Variants in MAPK4 observed in about 807,000 individuals in gnomAD.
The protein encoded by MAPK4 is mitogen-activated protein kinase 4.
Under a neutral mutation model 47.7 loss-of-function variants are expected in MAPK4, and 22 were observed. That is an observed-to-expected ratio of 0.46 (90% CI 0.33 to 0.66). MAPK4 has a LOEUF of 0.66. MAPK4 is among the 30% of genes least tolerant of loss of function. The probability of loss-of-function intolerance (pLI) is 0.02; values close to 1 mark genes in which losing one functional copy is unlikely to be tolerated. For missense variants in MAPK4, 736 were observed against 831.7 expected, an observed-to-expected ratio of 0.88 and a Z score of 1.42; for synonymous variants, 390 against 365.7, an observed-to-expected ratio of 1.07 and a Z score of -0.76.
At chr18:50,694,463 T>C (rs929125915) in intron 2 of MAPK4, among the ~76,000 whole-genome samples, 1 of 152,234 alleles carries the variant, frequency 6.6e-6, no homozygotes, top group African/African-American at 2.4e-5. Flanking sequence ...AAAGCATGTT[T>C]ATTTTCTCTT....
intron 1 of MAPK4, among the ~76,000 whole-genome samples, chr18:50,571,774 T>C (rs979093391): frequency 6.6e-6 from 1 of 152,226 alleles, no homozygotes; most frequent in Non-Finnish European, 1.5e-5. Flanking sequence ...CAATAACATA[T>C]GTGAAAGCCA....
At chr18:50,677,477 G>A (rs573042491) in intron 2 of MAPK4, among the ~76,000 whole-genome samples, 8 of 152,244 alleles carry the variant, frequency 5.3e-5, no homozygotes, top group East Asian at 1.9e-4. Context: ...GCACCCCAGC[G>A]TGTGGCCCAG....
intron 1 of MAPK4, among the ~76,000 whole-genome samples, chr18:50,633,307 C>A (rs1233849501): frequency 1.3e-5 from 2 of 152,204 alleles, no homozygotes; most frequent in African/African-American, 2.4e-5. Context: ...GGAATGGTTG[C>A]CTGGAAACAA....
At chr18:50,595,967 G>A (rs1255091355) in intron 1 of MAPK4, among the ~76,000 whole-genome samples, 1 of 152,134 alleles carries the variant, frequency 6.6e-6, no homozygotes, top group Non-Finnish European at 1.5e-5. Flanking sequence ...GTTTGTCTCA[G>A]TGGGTGTCTA....
intron 1 of MAPK4, chr18:50,629,492 CAG>C (rs1256717058): frequency 6.6e-6 from 1 of 152,242 alleles, no homozygotes; most frequent in Non-Finnish European, 1.5e-5. Flanking sequence ...GAGAGGAAGT[CAG>C]AGAGTTGGAG....
rs1261055141 is a variant in MAPK4 at position 50,729,657 on chromosome 18, C to T, written c.1567C>T (p.Pro523Ser). ...CGAGCGCCGCTTGTCTGCCTCGCCC[C>T]CCGGCCGCCCGGCCCCGGTGGACGG... The part of the protein sequence containing the change: ...DPERRLSASP[P>S]GRPAPVDGGA... The change falls in exon 6 of 6, where the codon CCC (proline) becomes TCC (serine). Residue 523 changes from proline to serine, a missense_variant. By Grantham distance (74) the Pro-to-Ser change is moderately conservative (BLOSUM62 -1). Transcript: ENST00000400384. The T allele has an allele frequency of 6.6e-6, 10 of 1,522,230 alleles. No individual in the cohort carries two copies. The Middle Eastern group carries it at 6.8e-4, about 104-fold the overall frequency. The allele number at this position is 1,522,230 out of a possible 1,614,324, so 94.3% of individuals were successfully genotyped here.
At position 50,730,418 on chromosome 18, in the gene MAPK4, TGTCC is replaced by T. The variant is rs1911499316; in HGVS notation, c.*565_*568del. On this transcript the variant is annotated 3_prime_UTR_variant, in exon 6 of 6. Coordinates refer to ENST00000400384, the MANE Select transcript of MAPK4 (RefSeq NM_002747.4). ...AACTTGGTCTGAGATGTTTCTTCCCTGTCCATTACCATTCGATGTTCTTTTATTC... is the reference window on the plus strand; with the variant it reads ...AACTTGGTCTGAGATGTTTCTTCCCTATTACCATTCGATGTTCTTTTATTC... The T allele has an allele frequency of 6.5e-6, 1 of 152,758 alleles. No individual in the cohort carries two copies. Among genetic ancestry groups the T allele is most frequent in the Admixed American group, 6.5e-5 (1 of 15,284 alleles). The allele number at this position is 152,758 out of a possible 1,614,324, so 9.5% of individuals were successfully genotyped here.
chr18:50,698,003 A>G (rs562508778), intron 2 of MAPK4, among the ~76,000 whole-genome samples: 20 of 152,348 alleles, frequency 1.3e-4, no homozygotes, highest in Non-Finnish European at 2.4e-4. Context: ...TTAGGCAACA[A>G]TGATACTCTT....
At chr18:50,564,823 C>G (rs899571293) in intron 1 of MAPK4, among the ~76,000 whole-genome samples, 6 of 152,296 alleles carry the variant, frequency 3.9e-5, no homozygotes, top group Middle Eastern at 3.4e-3. Context: ...TGGGCAGTGC[C>G]TGGTAACCAC....
chr18:50,642,490 T>A (rs1442511892), intron 1 of MAPK4, among the ~76,000 whole-genome samples: 1 of 152,196 alleles, frequency 6.6e-6, no homozygotes, highest in Non-Finnish European at 1.5e-5. Flanking sequence ...CCCAATATAG[T>A]TAGTGAAGAA....
chr18:50,722,565 G>A (rs1910990630), intron 4 of MAPK4, among the ~76,000 whole-genome samples: 1 of 152,038 alleles, frequency 6.6e-6, no homozygotes, highest in Non-Finnish European at 1.5e-5. Context: ...GCAGGCCTGG[G>A]AAGAGGCCAA....
At chr18:50,701,144 T>C (rs1909764599) in intron 2 of MAPK4, among the ~76,000 whole-genome samples, 1 of 152,062 alleles carries the variant, frequency 6.6e-6, no homozygotes, top group Admixed American at 6.6e-5. Flanking sequence ...GTTTCTGCTT[T>C]CCAAGCTTAA....
chr18:50,664,081 G>T lies in MAPK4; in HGVS notation c.123G>T (p.Arg41=), dbSNP rs769489864. The change falls in exon 2 of 6, where the codon CGG becomes CGT. Residue 41 remains arginine (R), a synonymous_variant. Transcript: ENST00000400384. The surrounding 1 kb of genome is among the most constrained non-coding windows in gnomAD (Gnocchi z 6.0). ...NGLVLSAVDS[R]ACRKVAVKKI... Reference sequence around the variant, plus strand: ...TGGTGCTGTCGGCCGTGGACAGCCGGGCCTGCCGGAAGGTCGCTGTGAAGA... The same window carrying T: ...TGGTGCTGTCGGCCGTGGACAGCCGTGCCTGCCGGAAGGTCGCTGTGAAGA... 7.4e-6 allele frequency: 12 copies of T among 1,613,806 alleles called. No individual in the cohort carries two copies. The highest frequency in any genetic ancestry group is 1.0e-5 in the Non-Finnish European group (12 of 1,180,042).
intron 1 of MAPK4, among the ~76,000 whole-genome samples, chr18:50,570,446 T>G (rs762631246): frequency 3.9e-5 from 6 of 152,322 alleles, no homozygotes; most frequent in African/African-American, 1.4e-4. Flanking sequence ...AAGGGAAGTG[T>G]TGAGGCAGGA....
chr18:50,577,605 C>T (rs1281084546), intron 1 of MAPK4, among the ~76,000 whole-genome samples: 2 of 152,130 alleles, frequency 1.3e-5, no homozygotes, highest in African/African-American at 4.8e-5. Flanking sequence ...TTACCTTGTG[C>T]ACCAGGGTTA....
chr18:50,625,247 A>T (rs2042766793), intron 1 of MAPK4, among the ~76,000 whole-genome samples: 1 of 152,202 alleles, frequency 6.6e-6, no homozygotes, highest in Non-Finnish European at 1.5e-5. Flanking sequence ...CAGGGTCTGC[A>T]TCAGGGATGG....
In MAPK4 at chr18:50,664,183, C is replaced by G; in HGVS notation, c.225C>G (p.Asp75Glu). ...AGATCATTCGGCGCCTGGACCACGA[C>G]AACATCGTCAAAGTGTACGAGGTGC... ...EIKIIRRLDH[D>E]NIVKVYEVLG... Residue 75 changes from aspartate to glutamate, a missense_variant, in exon 2 of 6, where the codon GAC becomes GAG. Asp to Glu is a conservative substitution (Grantham distance 45). Around this residue, in one of 3 missense-constraint regions of MAPK4, gnomAD observed 327 missense variants for 395.4 expected, o/e 0.83. Coordinates refer to ENST00000400384, the MANE Select transcript of MAPK4 (RefSeq NM_002747.4). The surrounding 1 kb of genome is among the most constrained non-coding windows in gnomAD (Gnocchi z 6.0). The G allele has an allele frequency of 6.2e-7, 1 of 1,614,156 alleles. No homozygotes were observed. The highest frequency in any genetic ancestry group is 1.1e-5 in the South Asian group (1 of 91,068).
At chr18:50,619,306 C>A (rs559894300) in intron 1 of MAPK4, among the ~76,000 whole-genome samples, 1 of 152,200 alleles carries the variant, frequency 6.6e-6, no homozygotes, top group East Asian at 1.9e-4. Flanking sequence ...TTAAACTGGA[C>A]CCAGAATCAT....
At chr18:50,568,110 G>A (rs534889711) in intron 1 of MAPK4, among the ~76,000 whole-genome samples, 4 of 151,490 alleles carry the variant, frequency 2.6e-5, no homozygotes, top group Non-Finnish European at 5.9e-5. Context: ...GCAGGAGAAT[G>A]GCATGAACCC....
Sources: allele counts gnomAD v4.1 joint callset (sites outside exome capture counted in the v4.1 genomes callset), GRCh38; gene constraint gnomAD v4.1.1; regional missense constraint gnomAD v4.1.1; non-coding constraint Gnocchi (gnomAD v3.1); transcripts MANE v1.5; gene names NCBI Gene and HGNC (gene_info 2026-07-23, HGNC 2026-07-21).